The following PDK3 variants were observed in gnomAD, a reference collection of about 807,000 sequenced individuals.
PDK3 encodes the protein pyruvate dehydrogenase kinase, isozyme 3.
A neutral mutation model predicts 32.0 loss-of-function variants in PDK3; 12 were observed. The ratio of observed to expected loss-of-function variants is 0.37; its 90% confidence interval spans 0.24 to 0.61. The LOEUF (loss-of-function observed/expected upper bound fraction) is 0.61, where lower values mean the gene tolerates loss of function less well. Ranked by LOEUF, PDK3 falls within the 20% of genes least tolerant of loss-of-function variation. PDK3 has a pLI of 0.65. For synonymous variants in PDK3, 122 were observed against 116.3 expected, an observed-to-expected ratio of 1.05 and a Z score of -0.31; for missense variants, 188 against 316.9, an observed-to-expected ratio of 0.59 and a Z score of 3.09.
downstream of PDK3, among the ~76,000 whole-genome samples, chrX:24,535,427 C>T (rs1392744082): frequency 9.4e-6 from 1 of 106,830 alleles, no homozygotes; most frequent in African/African-American, 3.4e-5. Flanking sequence ...ATTGCTTGAA[C>T]CCAGGAGACA....
At chrX:24,492,450 A>G (rs1428025871) in intron 1 of PDK3, among the ~76,000 whole-genome samples, 1 of 110,554 alleles carries the variant, frequency 9.0e-6, no homozygotes, top group African/African-American at 3.3e-5. Flanking sequence ...TTAGCCAAGC[A>G]TTGTGACGGG....
At position 24,533,991 on chromosome X, in the gene PDK3, C is replaced by T. The variant is rs1314625885; in HGVS notation, c.1140C>T (p.Tyr380=). The T allele has an allele frequency of 1.7e-6, 2 of 1,210,447 alleles. No individual in the cohort carries two copies. The highest frequency in any genetic ancestry group is 3.0e-5 in the East Asian group (1 of 33,836). The change falls in exon 11 of 11, where the codon TAC becomes TAT. Residue 380 remains tyrosine (Y), a synonymous_variant. Transcript: ENST00000379162. ...TTAATAAGTCCGCATGGCGCCATTACAAGACCACGCCTGAAGCCGATGATT... is the reference window on the plus strand; with the variant it reads ...TTAATAAGTCCGCATGGCGCCATTATAAGACCACGCCTGAAGCCGATGATT... ...PVFNKSAWRH[Y]KTTPEADDWS...
chrX:24,549,075 C>A (rs1362108431), exon 12 of PDK3: 2 of 111,530 alleles, frequency 1.8e-5, no homozygotes, highest in Admixed American at 9.5e-5. Flanking sequence ...AAGTTAATAT[C>A]CCAAATGTTT....
At chrX:24,490,124 CTG>C (rs1921515291) in intron 1 of PDK3, among the ~76,000 whole-genome samples, 1 of 111,730 alleles carries the variant, frequency 9.0e-6, no homozygotes, top group Non-Finnish European at 1.9e-5. Flanking sequence ...GAATATGTGA[CTG>C]TTAAATATTG....
Position 24,531,778 on chromosome X carries a change from G to A in PDK3, c.1077+8G>A, listed in dbSNP as rs370736936. On this transcript the variant is annotated splice_region_variant and intron_variant, in intron 10 of 10. Coordinates refer to ENST00000379162, the MANE Select transcript of PDK3 (RefSeq NM_005391.5). ...GCTGTCATTTATTTGAAGGTACTGC[G>A]TTTTATTTGTTAGTATGAGGCATCT... 74 of 993,932 alleles carry A rather than the reference G, an allele frequency of 7.4e-5. No homozygotes were observed. Among genetic ancestry groups the A allele is most frequent in the Non-Finnish European group, 9.8e-5 (69 of 703,715 alleles). 81.9% of individuals were successfully genotyped at this position (993,932 alleles called of 1,213,427 possible). A position where few individuals can be genotyped will look rare whatever the true frequency, so the allele number is the denominator to read the frequency against.
intron 5 of PDK3, among the ~76,000 whole-genome samples, chrX:24,517,738 A>G (rs1361565518): frequency 8.9e-6 from 1 of 112,343 alleles, no homozygotes; most frequent in Non-Finnish European, 1.9e-5. Context: ...TGTTTCTGTA[A>G]TGGCTCTTAT....
Position 24,531,664 on chromosome X carries a change from T to A in PDK3, c.971T>A (p.Phe324Tyr). The part of the protein sequence containing the change: ...EPTRAAPLAG[F>Y]GYGLPISRLY... Reference sequence around the variant, plus strand: ...ATTTTCTTTTCTCAATAGGCTGGATTTGGTTATGGTTTGCCAATTTCCCGT... The same window carrying A: ...ATTTTCTTTTCTCAATAGGCTGGATATGGTTATGGTTTGCCAATTTCCCGT... The change falls in exon 10 of 11, where the codon TTT becomes TAT. Residue 324 changes from phenylalanine (F) to tyrosine (Y), a missense_variant. Physicochemically the swap from Phe to Tyr is conservative, Grantham distance 22 (BLOSUM62 3). Transcript: ENST00000379162. 2 of 1,171,319 alleles carry A rather than the reference T, an allele frequency of 1.7e-6. No individual in the cohort carries two copies. The highest frequency in any genetic ancestry group is 2.3e-6 in the Non-Finnish European group (2 of 860,902).
chrX:24,548,309 A>T (rs985106678), exon 12 of PDK3: 3 of 112,129 alleles, frequency 2.7e-5, no homozygotes, highest in Non-Finnish European at 5.6e-5. Flanking sequence ...TCACAGAACA[A>T]CCCTGCAATT....
At chrX:24,484,013 A>C (rs934015073) in intron 1 of PDK3, among the ~76,000 whole-genome samples, 1 of 104,351 alleles carries the variant, frequency 9.6e-6, no homozygotes, top group East Asian at 3.0e-4. Context: ...CCAGCCAGGA[A>C]ATTTTTTGTT....
intron 6 of PDK3, among the ~76,000 whole-genome samples, chrX:24,521,663 G>A (rs1225367450): frequency 9.0e-6 from 1 of 111,655 alleles, no homozygotes; most frequent in Non-Finnish European, 1.9e-5. Flanking sequence ...AAAGCAGCAG[G>A]CCTGTTCTTG....
chrX:24,472,024 A>G (rs766549087), intron 1 of PDK3, among the ~76,000 whole-genome samples: 122 of 112,286 alleles, frequency 1.1e-3, no homozygotes, highest in African/African-American at 3.9e-3. Flanking sequence ...TAACCTATTT[A>G]TACTTACTGG....
At chrX:24,539,014 T>G, downstream of PDK3, 1 of 492,079 alleles carries the variant, frequency 2.0e-6, no homozygotes, top group Non-Finnish European at 3.5e-6. Context: ...AAAATAATTC[T>G]GAGATATGGC....
At chrX:24,466,276 G>T (rs1204946197) in intron 1 of PDK3, among the ~76,000 whole-genome samples, 3 of 112,317 alleles carry the variant, frequency 2.7e-5, no homozygotes, top group African/African-American at 9.7e-5. Context: ...GACCAAAGAA[G>T]ATTCGGGTTC....
chrX:24,546,553 A>G (rs761443660), exon 12 of PDK3: 1 of 108,966 alleles, frequency 9.2e-6, no homozygotes, highest in Non-Finnish European at 1.9e-5. Flanking sequence ...ATTCCTGAGA[A>G]ACCTCTGTTT....
At chrX:24,535,169 T>C (rs1922742989), downstream of PDK3, among the ~76,000 whole-genome samples, 1 of 112,048 alleles carries the variant, frequency 8.9e-6, no homozygotes. Context: ...CTTAAAATAA[T>C]CCTGTATTAA....
chrX:24,529,157 C>A (rs1173822322), intron 9 of PDK3, among the ~76,000 whole-genome samples: 1 of 111,630 alleles, frequency 9.0e-6, no homozygotes, highest in Non-Finnish European at 1.9e-5. Flanking sequence ...CTTAAATACA[C>A]ATCAAAAGGA....
chrX:24,541,230 A>T (rs1211327930), exon 12 of PDK3, among the ~76,000 whole-genome samples: 5 of 109,374 alleles, frequency 4.6e-5, no homozygotes, highest in African/African-American at 6.7e-5. Context: ...TTCCTTATAA[A>T]CATGAGATAA....
exon 12 of PDK3, among the ~76,000 whole-genome samples, chrX:24,544,690 G>A (rs1477904074): frequency 2.7e-5 from 3 of 112,014 alleles, no homozygotes; most frequent in African/African-American, 9.7e-5. Flanking sequence ...GGTTGTATCT[G>A]TCAGACATTG....
At position 24,474,895 on chromosome X, in the gene PDK3, G is replaced by A. The variant is rs751042715; in HGVS notation, c.106+9334G>A. On this transcript the variant is annotated intron_variant, in intron 1 of 10. Transcript: ENST00000379162. The stretch of plus-strand genomic sequence containing the variant: ...TCTTAGAAGGTAGCGGCCAGTTTCC[G>A]CATTCTTACTATTCTTAAAGTTTAA... 4.5e-5 allele frequency among the ~76,000 whole-genome samples: 5 copies of A among 111,975 alleles called. No homozygotes were observed. In the East Asian group the frequency reaches 1.4e-3, roughly 31 times the overall value.
Sources: gnomAD v4.1 joint callset for allele counts (sites outside exome capture counted in the v4.1 genomes callset) on GRCh38, gnomAD v4.1.1 for gene constraint, MANE v1.5 for transcripts, NCBI Gene and HGNC (gene_info 2026-07-23, HGNC 2026-07-21) for gene names.